STXBP5L: variants seen among roughly 807,000 people sequenced by gnomAD.
STXBP5L encodes the protein syntaxin binding protein 5L.
STXBP5L carries 65 observed loss-of-function variants against 144.5 expected under a neutral mutation model. That is an observed-to-expected ratio of 0.45 (90% CI 0.37 to 0.55). The LOEUF is 0.55. STXBP5L is among the 20% of genes least tolerant of loss of function. The pLI, the probability that STXBP5L is intolerant of heterozygous loss-of-function variation, is 0.00. For missense variants in STXBP5L, 1,298 were observed against 1,405.5 expected, an observed-to-expected ratio of 0.92 and a Z score of 1.22; for synonymous variants, 505 against 469.6, an observed-to-expected ratio of 1.08 and a Z score of -0.97.
At chr3:121,143,104 A>T (rs1237826638) in intron 7 of STXBP5L, among the ~76,000 whole-genome samples, 1 of 151,898 alleles carries the variant, frequency 6.6e-6, no homozygotes, top group Non-Finnish European at 1.5e-5. Flanking sequence ...AAACTGTATA[A>T]TCTAGAAGGA....
At chr3:120,993,595 C>T (rs1241527606) in intron 3 of STXBP5L, among the ~76,000 whole-genome samples, 4 of 151,488 alleles carry the variant, frequency 2.6e-5, no homozygotes, top group Non-Finnish European at 5.9e-5. Flanking sequence ...TTCTTTGCAC[C>T]AAATGAGTTG....
intron 20 of STXBP5L, among the ~76,000 whole-genome samples, chr3:121,375,918 G>C (rs1260157001): frequency 6.6e-6 from 1 of 152,152 alleles, no homozygotes; most frequent in Non-Finnish European, 1.5e-5. Context: ...TGAACTACGA[G>C]ATGATGTTTC....
intron 19 of STXBP5L, among the ~76,000 whole-genome samples, chr3:121,282,721 T>G (rs2051101503): frequency 6.6e-6 from 1 of 152,048 alleles, no homozygotes; most frequent in African/African-American, 2.4e-5. Flanking sequence ...AACCTTATGC[T>G]TTGGCCATTT....
chr3:121,268,225 G>A (rs1243826006), intron 18 of STXBP5L, among the ~76,000 whole-genome samples: 1 of 152,166 alleles, frequency 6.6e-6, no homozygotes, highest in African/African-American at 2.4e-5. Context: ...ATACTATGCA[G>A]CCATGAAAAT....
At position 121,294,437 on chromosome 3, in the gene STXBP5L, C is replaced by T. The variant is rs146103258; in HGVS notation, c.2110+14481C>T. 5.9e-5 allele frequency among the ~76,000 whole-genome samples: 9 copies of T among 152,142 alleles called. No individual in the cohort carries two copies. The South Asian group carries it at 8.3e-4, about 14-fold the overall frequency. ...GAAATAAAGAGTTCAGTTTTAGACA[C>T]GTTAAATGTTATTATGTCTGTTGTA... On this transcript the variant is annotated intron_variant, in intron 19 of 26. Transcript: ENST00000471454.
intron 7 of STXBP5L, among the ~76,000 whole-genome samples, chr3:121,143,611 T>C (rs1433844628): frequency 1.3e-5 from 2 of 151,954 alleles, no homozygotes; most frequent in South Asian, 2.1e-4. Context: ...AACAGACATA[T>C]AGACCAATGG....
chr3:121,146,890 G>C (rs2045731514), intron 7 of STXBP5L, among the ~76,000 whole-genome samples: 1 of 152,016 alleles, frequency 6.6e-6, no homozygotes, highest in South Asian at 2.1e-4. Flanking sequence ...TATCTGAATT[G>C]TGTTTTCATT....
At chr3:121,032,922 A>G (rs1445048589) in intron 3 of STXBP5L, among the ~76,000 whole-genome samples, 1 of 38,060 alleles carries the variant, frequency 2.6e-5, no homozygotes, top group Non-Finnish European at 5.3e-5. Context: ...TCAGGAAACA[A>G]CAGGTGCTGG....
At chr3:121,013,796 C>T (rs1487001555) in intron 3 of STXBP5L, among the ~76,000 whole-genome samples, 1 of 151,920 alleles carries the variant, frequency 6.6e-6, no homozygotes, top group Non-Finnish European at 1.5e-5. Context: ...AGTCTTTAAT[C>T]CATTTTAAGT....
chr3:121,321,225 T>G (rs1462072004), intron 20 of STXBP5L, among the ~76,000 whole-genome samples: 1 of 152,204 alleles, frequency 6.6e-6, no homozygotes, highest in Non-Finnish European at 1.5e-5. Context: ...GTAATAATAA[T>G]TGAGGAATGA....
intron 10 of STXBP5L, among the ~76,000 whole-genome samples, chr3:121,212,319 G>C (rs943553155): frequency 1.3e-5 from 2 of 152,072 alleles, no homozygotes; most frequent in Admixed American, 6.5e-5. Context: ...TATTGCCTAG[G>C]TTTTCTTCTA....
At chr3:121,083,643 A>G (rs1334947131) in intron 5 of STXBP5L, among the ~76,000 whole-genome samples, 1 of 151,238 alleles carries the variant, frequency 6.6e-6, no homozygotes, top group African/African-American at 2.4e-5. Flanking sequence ...AGCCTGGGCA[A>G]CAGAGTGACA....
chr3:121,137,272 T>C (rs1194384701), intron 7 of STXBP5L, among the ~76,000 whole-genome samples: 1 of 151,912 alleles, frequency 6.6e-6, no homozygotes, highest in Non-Finnish European at 1.5e-5. Context: ...TTTTTAAAAA[T>C]ATAAACAAAA....
intron 10 of STXBP5L, among the ~76,000 whole-genome samples, chr3:121,216,675 G>T (rs955501010): frequency 1.3e-5 from 2 of 152,212 alleles, no homozygotes; most frequent in African/African-American, 4.8e-5. Flanking sequence ...GGGCCCACTT[G>T]AAGAGGCTGT....
At chr3:121,137,791 G>A (rs1322637529) in intron 7 of STXBP5L, among the ~76,000 whole-genome samples, 1 of 151,944 alleles carries the variant, frequency 6.6e-6, no homozygotes, top group Non-Finnish European at 1.5e-5. Context: ...ACCCAATAAG[G>A]GCCACAATTG....
chr3:121,007,147 A>T (rs1576642459), intron 3 of STXBP5L, among the ~76,000 whole-genome samples: 1 of 152,054 alleles, frequency 6.6e-6, no homozygotes, highest in African/African-American at 2.4e-5. Flanking sequence ...TATTGAAATT[A>T]TACTTTTACA....
chr3:121,417,461 TTAAAAA>T (rs978558730), intron 25 of STXBP5L, among the ~76,000 whole-genome samples: 14 of 152,220 alleles, frequency 9.2e-5, no homozygotes, highest in Admixed American at 3.3e-4. Flanking sequence ...TTTTTTTTCC[TTAAAAA>T]TAAAAATAAA....
intron 19 of STXBP5L, among the ~76,000 whole-genome samples, chr3:121,298,945 A>G (rs2051774090): frequency 6.6e-6 from 1 of 152,196 alleles, no homozygotes; most frequent in South Asian, 2.1e-4. Flanking sequence ...TGTGTTGATT[A>G]TATATGTAGA....
chr3:121,093,906 T>G (rs2042967412), intron 5 of STXBP5L, among the ~76,000 whole-genome samples: 1 of 152,204 alleles, frequency 6.6e-6, no homozygotes, highest in Non-Finnish European at 1.5e-5. Flanking sequence ...CTTGTGGGCA[T>G]TTAGTGCTAT....
Sources: gnomAD v4.1 joint callset for allele counts (sites outside exome capture counted in the v4.1 genomes callset) on GRCh38, gnomAD v4.1.1 for gene constraint, MANE v1.5 for transcripts, NCBI Gene and HGNC (gene_info 2026-07-23, HGNC 2026-07-21) for gene names.